Variants in RTL4 observed in about 807,000 individuals in gnomAD.
RTL4 encodes retrotransposon Gag like 4.
RTL4 carries 4 observed loss-of-function variants against 5.3 expected under a neutral mutation model. The observed-to-expected ratio is 0.75, with a 90% CI of 0.37 to 1.72. The LOEUF is 1.72. RTL4 is among the 40% of genes most tolerant of loss of function. The pLI is 0.04. For missense variants in RTL4, 260 were observed against 227.1 expected, an observed-to-expected ratio of 1.14 and a Z score of -0.93; for synonymous variants, 98 against 87.3, an observed-to-expected ratio of 1.12 and a Z score of -0.68.
the RTL4 span, among the ~76,000 whole-genome samples, chrX:112,357,790 G>C: frequency 2.7e-5 from 3 of 111,665 alleles, no homozygotes; most frequent in East Asian, 8.6e-4. Flanking sequence ...ACCTCAGTTT[G>C]CCTATGTGTA....
At chrX:112,332,846 T>G in the RTL4 span, among the ~76,000 whole-genome samples, 1 of 110,896 alleles carries the variant, frequency 9.0e-6, no homozygotes, top group Non-Finnish European at 1.9e-5. Flanking sequence ...AAAAAGAAAA[T>G]AAGGTATTAA....
chrX:112,356,579 G>GGGGT, the RTL4 span, among the ~76,000 whole-genome samples: 2,855 of 99,424 alleles, frequency 0.029, 123 homozygotes, highest in African/African-American at 0.1. Context: ...TTTGTTTTGG[G>GGGGT]GTGTGTGTGT....
At chrX:112,448,439 T>C in the RTL4 span, among the ~76,000 whole-genome samples, 1 of 111,828 alleles carries the variant, frequency 8.9e-6, no homozygotes, top group Non-Finnish European at 1.9e-5. Flanking sequence ...GCTGTGGGTC[T>C]GAGGGTCATA....
At chrX:112,307,615 T>A in the RTL4 span, among the ~76,000 whole-genome samples, 1 of 111,180 alleles carries the variant, frequency 9.0e-6, no homozygotes, top group Admixed American at 9.6e-5. Context: ...TATTTTTAAA[T>A]CTCTCTCATC....
At chrX:112,116,668 A>G in the RTL4 span, among the ~76,000 whole-genome samples, 70 of 111,391 alleles carry the variant, frequency 6.3e-4, 1 homozygote, top group African/African-American at 2.1e-3. Flanking sequence ...GGTGCGTTTT[A>G]TAATCCTAGC....
the RTL4 span, among the ~76,000 whole-genome samples, chrX:112,229,751 A>G: frequency 8.9e-6 from 1 of 112,406 alleles, no homozygotes; most frequent in Non-Finnish European, 1.9e-5. Flanking sequence ...TCTAACAGTC[A>G]GGACCCTCAG....
chrX:112,109,889 A>G, the RTL4 span, among the ~76,000 whole-genome samples: 8 of 111,922 alleles, frequency 7.1e-5, no homozygotes, highest in East Asian at 1.7e-3. Flanking sequence ...AGGCCAGTCA[A>G]AGAGCCAGTG....
At chrX:112,361,325 C>G in the RTL4 span, among the ~76,000 whole-genome samples, 1 of 111,471 alleles carries the variant, frequency 9.0e-6, no homozygotes, top group South Asian at 3.7e-4. Context: ...AGTCTCTCTA[C>G]TCCTATTCCT....
exon 1 of RTL4, chrX:112,456,023 T>C: frequency 3.5e-6 from 1 of 282,919 alleles, no homozygotes; most frequent in East Asian, 5.6e-5. Flanking sequence ...TGAGTTTGTG[T>C]CCCAAATCCT....
At chrX:112,288,982 T>C in the RTL4 span, among the ~76,000 whole-genome samples, 28,322 of 110,961 alleles carry the variant, frequency 0.26, 3,179 homozygotes, top group African/African-American at 0.4. Context: ...CTGGTACCTA[T>C]AAAGGTACCT....
At chrX:112,424,119 C>A in the RTL4 span, among the ~76,000 whole-genome samples, 1 of 111,560 alleles carries the variant, frequency 9.0e-6, no homozygotes, top group Non-Finnish European at 1.9e-5. Flanking sequence ...CAGTTTTTTC[C>A]AGTTGGAACT....
At chrX:112,228,988 A>T in the RTL4 span, among the ~76,000 whole-genome samples, 1 of 112,139 alleles carries the variant, frequency 8.9e-6, no homozygotes, top group East Asian at 2.8e-4. Flanking sequence ...GTCAAAACCT[A>T]TATGAGGCGA....
chrX:112,237,454 G>T, the RTL4 span, among the ~76,000 whole-genome samples: 1 of 112,257 alleles, frequency 8.9e-6, no homozygotes, highest in Non-Finnish European at 1.9e-5. Flanking sequence ...TCTTGAAGCT[G>T]AATGGCCTCT....
chrX:112,206,175 G>A, the RTL4 span, among the ~76,000 whole-genome samples: 1 of 111,467 alleles, frequency 9.0e-6, no homozygotes, highest in African/African-American at 3.3e-5. Flanking sequence ...TGGGCTGGAT[G>A]TCATCTCCAG....
the RTL4 span, among the ~76,000 whole-genome samples, chrX:112,096,446 T>C: frequency 9.0e-6 from 1 of 111,579 alleles, no homozygotes; most frequent in African/African-American, 3.3e-5. Flanking sequence ...TAGTGGCCCA[T>C]TCCAGTAATG....
At chrX:112,309,006 T>C in the RTL4 span, among the ~76,000 whole-genome samples, 1 of 111,448 alleles carries the variant, frequency 9.0e-6, no homozygotes, top group Admixed American at 9.7e-5. Context: ...CTTCCTGGAG[T>C]GTCAATTTTT....
chrX:112,240,913 G>A, the RTL4 span, among the ~76,000 whole-genome samples: 1 of 110,686 alleles, frequency 9.0e-6, no homozygotes, highest in African/African-American at 3.3e-5. Flanking sequence ...GTGAGAACAT[G>A]TGGTGTTTGG....
the RTL4 span, among the ~76,000 whole-genome samples, chrX:112,408,429 G>A: frequency 1.8e-5 from 2 of 108,570 alleles, no homozygotes; most frequent in African/African-American, 6.7e-5. Context: ...ATTAGTGAGC[G>A]TGGAGACAGG....
the RTL4 span, among the ~76,000 whole-genome samples, chrX:112,335,049 A>C: frequency 3.6e-5 from 4 of 111,812 alleles, no homozygotes; most frequent in Non-Finnish European, 7.5e-5. Context: ...TATGGCCTGG[A>C]ATAATTTACG....
Sources: allele counts gnomAD v4.1 joint callset (sites outside exome capture counted in the v4.1 genomes callset), GRCh38; gene constraint gnomAD v4.1.1; transcripts MANE v1.5; gene names NCBI Gene and HGNC (gene_info 2026-07-23, HGNC 2026-07-21).